SNRNP200: variants seen among roughly 807,000 people sequenced by gnomAD.
The protein encoded by SNRNP200 is small nuclear ribonucleoprotein U5 subunit 200.
In SNRNP200, 66 loss-of-function variants were observed where a neutral mutation model predicts 255.2. The observed-to-expected ratio is 0.26, with a 90% CI of 0.21 to 0.32. SNRNP200 has a LOEUF of 0.32. Ranked by LOEUF, SNRNP200 falls within the 10% of genes least tolerant of loss-of-function variation. SNRNP200 has a pLI of 1.00. For missense variants in SNRNP200, 1,585 were observed against 2,749.8 expected, an observed-to-expected ratio of 0.58 and a Z score of 9.47; for synonymous variants, 939 against 1,027.8, an observed-to-expected ratio of 0.91 and a Z score of 1.65.
Position 96,297,020 on chromosome 2 carries a change from C to T in SNRNP200, c.1428G>A (p.Glu476=), listed in dbSNP as rs763948981. ...GGATCCGATTCAGTGTTTTGAAGCC[C>T]TCAAACCCAGCCTGGGCATACTTTG... ...KLPKYAQAGF[E]GFKTLNRIQS... is the part of the protein sequence containing the mutation. Residue 476 remains glutamate (E), a synonymous_variant, in exon 12 of 45, where the codon GAG becomes GAA. Coordinates refer to ENST00000323853, the MANE Select transcript of SNRNP200 (RefSeq NM_014014.5). 1.9e-6 allele frequency: 3 copies of T among 1,614,064 alleles called. No individual in the cohort carries two copies. Among genetic ancestry groups the T allele is most frequent in the South Asian group, 1.1e-5 (1 of 91,082 alleles).
chr2:96,303,579 T>C (rs1254339887), intron 2 of SNRNP200, among the ~76,000 whole-genome samples: 1 of 152,224 alleles, frequency 6.6e-6, no homozygotes, highest in African/African-American at 2.4e-5. Flanking sequence ...TACAATGAGA[T>C]GTTTCTCATT....
intron 5 of SNRNP200, among the ~76,000 whole-genome samples, chr2:96,300,580 G>A (rs974040043): frequency 3.9e-5 from 6 of 152,066 alleles, no homozygotes; most frequent in Non-Finnish European, 7.4e-5. Context: ...TGGCTAACAC[G>A]GTGAAACCCC....
intron 14 of SNRNP200, among the ~76,000 whole-genome samples, chr2:96,293,795 T>G (rs1212105739): frequency 3.3e-5 from 5 of 152,204 alleles, no homozygotes; most frequent in African/African-American, 1.2e-4. Flanking sequence ...AAGGTAAACT[T>G]CTTTATGAAA....
rs374669068 is a variant in SNRNP200 at position 96,294,377 on chromosome 2, G to A, written c.1843-868C>T. Among the ~76,000 whole-genome samples, 64 of 152,200 alleles carry A rather than the reference G, an allele frequency of 4.2e-4. 1 individual carries two copies. Among genetic ancestry groups the A allele is most frequent in the South Asian group, 1.0e-3 (5 of 4,822 alleles). Reference sequence around the variant, plus strand: ...TGCTTGAACCCGGGAGGCGGAGGCTGTAGTGAGCTGAGATTGCATCATCGC... The same window carrying A: ...TGCTTGAACCCGGGAGGCGGAGGCTATAGTGAGCTGAGATTGCATCATCGC... On this transcript the variant is annotated intron_variant, in intron 14 of 44. Transcript: ENST00000323853.
In SNRNP200 at chr2:96,277,067, C is replaced by T. The variant is rs767712794; in HGVS notation, c.6092+14G>A. The T allele has an allele frequency of 6.2e-7, 1 of 1,614,086 alleles. No homozygotes were observed. Among genetic ancestry groups the T allele is most frequent in the African/African-American group, 1.3e-5 (1 of 74,942 alleles). ...CTATTATGCTGTGCCCAACAGGCAC[C>T]ACCTCTGGCTCACCTGCGGATGCTG... On this transcript the variant is annotated intron_variant, in intron 42 of 44. Transcript: ENST00000323853. The surrounding 1 kb of genome is among the most constrained non-coding windows in gnomAD (Gnocchi z 4.4).
chr2:96,279,090 T>C, intron 36 of SNRNP200, 92 bp from the exon 37 acceptor site: 1 of 1,039,590 alleles, frequency 9.6e-7, no homozygotes, highest in East Asian at 2.4e-5. Flanking sequence ...ATGGTCCCTG[T>C]GTGAGACCTA....
rs554284886 is a variant in SNRNP200 at position 96,292,989 on chromosome 2, G to A, written c.2143C>T (p.His715Tyr). The A allele has an allele frequency of 2.5e-6, 4 of 1,614,118 alleles. No individual in the cohort carries two copies. Among genetic ancestry groups the A allele is most frequent in the Non-Finnish European group, 3.4e-6 (4 of 1,180,016 alleles). The change falls in exon 16 of 45, where the codon CAT (histidine) becomes TAT (tyrosine). Residue 715 changes from histidine (H) to tyrosine (Y), a missense_variant. Physicochemically the swap from His to Tyr is moderately conservative, Grantham distance 83. Transcript: ENST00000323853. ...GGGCAAACCTGATTTTTTCCAGCAT[G>A]TTCCATGATTTTTTCATAGACGATT... ...NEIVYEKIME[H>Y]AGKNQVLVFV...
Position 96,288,551 on chromosome 2 carries a change from C to G in SNRNP200, c.3258+112G>C, listed in dbSNP as rs1230655016. On this transcript the variant is annotated intron_variant, in intron 24 of 44. Coordinates refer to ENST00000323853, the MANE Select transcript of SNRNP200 (RefSeq NM_014014.5). The stretch of plus-strand genomic sequence containing the variant: ...ACTACCCGGCAAGAGCAGAACTAAG[C>G]ACTCCTCCCATCTCACTAGGGTCGG... 8 of 898,750 alleles carry G rather than the reference C, an allele frequency of 8.9e-6. No individual in the cohort carries two copies. In the African/African-American group the frequency reaches 1.3e-4, roughly 15 times the overall value. The allele number at this position is 898,750 out of a possible 1,614,324, so 55.7% of individuals were successfully genotyped here.
intron 2 of SNRNP200, among the ~76,000 whole-genome samples, chr2:96,304,047 T>C (rs978511899): frequency 1.3e-5 from 2 of 152,020 alleles, no homozygotes; most frequent in Non-Finnish European, 2.9e-5. Flanking sequence ...CAACAAAGTA[T>C]AACAAAACTG....
In SNRNP200 at chr2:96,276,899, C is replaced by T. The variant is rs552897375; in HGVS notation, c.6174+5G>A. The T allele has an allele frequency of 1.4e-5, 23 of 1,614,032 alleles. No homozygotes were observed. Among genetic ancestry groups the T allele is most frequent in the East Asian group, 8.9e-5 (4 of 44,890 alleles). ...CACCTGACCAAGCCAGCTACCAGGA[C>T]GCACCTGCGGGAAGAGAGGCGCAAT... On this transcript the variant is annotated splice_donor_5th_base_variant and intron_variant, in intron 43 of 44. Coordinates refer to ENST00000323853, the MANE Select transcript of SNRNP200 (RefSeq NM_014014.5).
rs1029149064 is a variant in SNRNP200 at position 96,274,959 on chromosome 2, C to T, written c.*53G>A. ...ACAACCAGGATTCCTACAATGTACA[C>T]ATTCCTAATTCAGGCTCAACTCTCC... On this transcript the variant is annotated 3_prime_UTR_variant, in exon 45 of 45. Coordinates refer to ENST00000323853, the MANE Select transcript of SNRNP200 (RefSeq NM_014014.5). 2 of 1,604,000 alleles carry T rather than the reference C, an allele frequency of 1.2e-6. No individual in the cohort carries two copies. Among genetic ancestry groups the T allele is most frequent in the African/African-American group, 1.3e-5 (1 of 74,714 alleles).
rs1052791157 is a variant in SNRNP200 at position 96,277,707 on chromosome 2, C to G, written c.5763G>C (p.Arg1921=). 5.0e-6 allele frequency: 8 copies of G among 1,613,958 alleles called. No individual in the cohort carries two copies. The African/African-American group carries it at 8.0e-5, about 16-fold the overall frequency. Residue 1921 remains arginine (R), a synonymous_variant, in exon 41 of 45, where the codon CGG becomes CGC. Transcript: ENST00000323853. The surrounding 1 kb of genome is among the most constrained non-coding windows in gnomAD (Gnocchi z 4.4). ...DTEEILSKAI[R]LIQACVDVLS... The stretch of plus-strand genomic sequence containing the variant: ...GGACATCCACGCAGGCCTGGATGAG[C>G]CGGATTGCCTGAACAGGAAAAGGAG...
In SNRNP200 at chr2:96,303,341, T is replaced by C. The variant is rs113877776; in HGVS notation, c.210-11A>G. 6.8e-6 allele frequency: 11 copies of C among 1,613,930 alleles called. No homozygotes were observed. In the South Asian group the frequency reaches 9.9e-5, roughly 14 times the overall value. ...TCACGCTTTCTTCGCCTAATGGACATGCAATGTGATATTGAATGGCAGAAC... is the reference window on the plus strand; with the variant it reads ...TCACGCTTTCTTCGCCTAATGGACACGCAATGTGATATTGAATGGCAGAAC... On this transcript the variant is annotated splice_polypyrimidine_tract_variant and intron_variant, in intron 2 of 44. Coordinates refer to ENST00000323853, the MANE Select transcript of SNRNP200 (RefSeq NM_014014.5).
chr2:96,286,469 A>G lies in SNRNP200; in HGVS notation c.3845T>C (p.Leu1282Pro). Residue 1282 changes from leucine (L) to proline (P), a missense_variant, in exon 29 of 45, where the codon CTG (leucine) becomes CCG (proline). Physicochemically the swap from Leu to Pro is moderately conservative, Grantham distance 98. Around this residue, in one of 9 missense-constraint regions of SNRNP200, gnomAD observed 719 missense variants for 1,091.1 expected, o/e 0.66. Coordinates refer to ENST00000323853, the MANE Select transcript of SNRNP200 (RefSeq NM_014014.5). This position sits in a 1 kb window ranked among gnomAD's most constrained non-coding sequence, Gnocchi z 4.8. Reference protein sequence around the residue: ...SDRWLSCETQLPVSFRHLILP... With the variant: ...SDRWLSCETQPPVSFRHLILP... ...GATCAGGTGCCGGAAGGAGACAGGC[A>G]GCTGGGTCTCACAAGCTGCCAGAAA... 6.2e-7 allele frequency: 1 copy of G among 1,614,174 alleles called. No individual in the cohort carries two copies. Among genetic ancestry groups the G allele is most frequent in the Non-Finnish European group, 8.5e-7 (1 of 1,180,034 alleles).
rs1684684572 is a variant in SNRNP200 at position 96,277,300 on chromosome 2, A to G, written c.5932-59T>C. ...AACACGGGCCAACAGCAAATGACAC[A>G]GGCAGCAAAGAGCTACTAATTTTAC... On this transcript the variant is annotated intron_variant, in intron 41 of 44. Transcript: ENST00000323853. This position sits in a 1 kb window ranked among gnomAD's most constrained non-coding sequence, Gnocchi z 4.4. The G allele has an allele frequency of 6.3e-7, 1 of 1,575,236 alleles. No individual in the cohort carries two copies. Among genetic ancestry groups the G allele is most frequent in the African/African-American group, 1.3e-5 (1 of 74,164 alleles).
chr2:96,298,499 A>C (rs1284238406), intron 8 of SNRNP200, 79 bp from the exon 9 acceptor site: 1 of 1,610,860 alleles, frequency 6.2e-7, no homozygotes, highest in Non-Finnish European at 8.5e-7. Context: ...GAAAGAAGAA[A>C]AATAAAAGAA....
Position 96,289,273 on chromosome 2 carries a change from C to G in SNRNP200, c.3047G>C (p.Arg1016Thr), listed in dbSNP as rs376963853. ...GAACTCAGAGGACAATGAGAAGACC[C>G]TGAAAAGCTCAATCTCACTCAGGGT... ...KPTLSEIELF[R>T]VFSLSSEFKN... Residue 1016 changes from arginine to threonine, a missense_variant, in exon 22 of 45, where the codon AGG becomes ACG. Arg to Thr is a moderately conservative substitution (Grantham distance 71). Around this residue, in one of 9 missense-constraint regions of SNRNP200, gnomAD observed 719 missense variants for 1,091.1 expected, o/e 0.66. Transcript: ENST00000323853. 2 of 1,614,104 alleles carry G rather than the reference C, an allele frequency of 1.2e-6. No individual in the cohort carries two copies. The highest frequency in any genetic ancestry group is 2.7e-5 in the African/African-American group (2 of 74,932).
intron 10 of SNRNP200, 40 bp from the exon 11 acceptor site, chr2:96,297,576 A>G (rs979184154): frequency 6.2e-7 from 1 of 1,614,092 alleles, no homozygotes; most frequent in Non-Finnish European, 8.5e-7. Context: ...GAAGTAAGCA[A>G]GCCGAGCAAG....
At chr2:96,296,771 A>G in intron 12 of SNRNP200, 80 bp from the exon 13 acceptor site, 2 of 1,572,408 alleles carry the variant, frequency 1.3e-6, no homozygotes, top group Non-Finnish European at 1.8e-6. Context: ...TTATTTCCCA[A>G]ATAGAGAATA....
Sources: allele counts gnomAD v4.1 joint callset (sites outside exome capture counted in the v4.1 genomes callset), GRCh38; gene constraint gnomAD v4.1.1; regional missense constraint gnomAD v4.1.1; non-coding constraint Gnocchi (gnomAD v3.1); transcripts MANE v1.5; gene names NCBI Gene and HGNC (gene_info 2026-07-23, HGNC 2026-07-21).